The following KLF8 variants were observed in gnomAD, a reference collection of about 807,000 sequenced individuals.
KLF8 encodes the protein Krueppel-like factor 8.
In KLF8, 10 loss-of-function variants were observed where a neutral mutation model predicts 18.2. That is an observed-to-expected ratio of 0.55 (90% CI 0.34 to 0.93). The LOEUF (loss-of-function observed/expected upper bound fraction) is 0.93, where lower values mean the gene tolerates loss of function less well. Ranked by LOEUF, KLF8 falls within the 40% of genes least tolerant of loss-of-function variation. The pLI, the probability that KLF8 is intolerant of heterozygous loss-of-function variation, is 0.02. For synonymous variants in KLF8, 109 were observed against 97.3 expected (o/e 1.12, Z -0.71); for missense variants, 264 against 277.9 (o/e 0.95, Z 0.36).
the KLF8 span, among the ~76,000 whole-genome samples, chrX:56,074,307 AT>A: frequency 2.2e-4 from 24 of 111,196 alleles, no homozygotes; most frequent in Non-Finnish European, 4.3e-4. Flanking sequence ...CCACTTTTAT[AT>A]TTTTTTCCTT....
chrX:56,135,369 C>T, the KLF8 span, among the ~76,000 whole-genome samples: 1 of 111,070 alleles, frequency 9.0e-6, no homozygotes, highest in Non-Finnish European at 1.9e-5. Flanking sequence ...TACTATGCAG[C>T]CATAAAAAAT....
rs1331417475 is a variant in KLF8, at chrX:56,289,193, T to A, written c.*4699T>A. 8.9e-6 allele frequency among the ~76,000 whole-genome samples: 1 copy of A among 112,014 alleles called. No individual in the cohort carries two copies. Among genetic ancestry groups the A allele is most frequent in the Non-Finnish European group, 1.9e-5 (1 of 53,268 alleles). On this transcript the variant is annotated 3_prime_UTR_variant, in exon 6 of 6. Transcript: ENST00000468660. ...CTACTACTTTATTTTATTGCTCGAATTGTTCCAGCTTTGGCCATTGGGAGC... is the reference window on the plus strand; with the variant it reads ...CTACTACTTTATTTTATTGCTCGAAATGTTCCAGCTTTGGCCATTGGGAGC...
the KLF8 span, among the ~76,000 whole-genome samples, chrX:56,180,592 A>G: frequency 3.0e-4 from 33 of 108,557 alleles, no homozygotes; most frequent in Non-Finnish European, 6.1e-4. Context: ...TTCTCTTGTG[A>G]GCTTTTAGTG....
At chrX:56,022,726 C>T in the KLF8 span, among the ~76,000 whole-genome samples, 1 of 109,182 alleles carries the variant, frequency 9.2e-6, no homozygotes, top group African/African-American at 3.4e-5. Context: ...TGGTAACCAC[C>T]GAAGAGGGTA....
At chrX:56,158,572 G>T in the KLF8 span, among the ~76,000 whole-genome samples, 1 of 111,526 alleles carries the variant, frequency 9.0e-6, no homozygotes, top group Non-Finnish European at 1.9e-5. Context: ...TCCTTGAGCA[G>T]TGGTTTGTAG....
the KLF8 span, among the ~76,000 whole-genome samples, chrX:56,121,560 G>A: frequency 9.3e-6 from 1 of 107,769 alleles, no homozygotes; most frequent in South Asian, 4.2e-4. Context: ...CAAAGACAGA[G>A]AAGAATTGTG....
chrX:55,946,830 A>G, the KLF8 span, among the ~76,000 whole-genome samples: 3 of 111,837 alleles, frequency 2.7e-5, no homozygotes, highest in South Asian at 3.7e-4. Flanking sequence ...GGCAAAGGAC[A>G]TGAACAGACA....
At chrX:56,196,262 C>T in the KLF8 span, among the ~76,000 whole-genome samples, 4 of 111,013 alleles carry the variant, frequency 3.6e-5, no homozygotes, top group Non-Finnish European at 7.6e-5. Context: ...GGGCTAAATG[C>T]CCCAATTAAA....
intron 2 of KLF8, among the ~76,000 whole-genome samples, chrX:56,254,909 A>G (rs747005772): frequency 1.8e-5 from 2 of 111,638 alleles, no homozygotes; most frequent in African/African-American, 6.5e-5. Flanking sequence ...AAACGGAAAT[A>G]TAAGTTCTCA....
At chrX:56,073,697 G>A in the KLF8 span, among the ~76,000 whole-genome samples, 1 of 108,635 alleles carries the variant, frequency 9.2e-6, no homozygotes, top group Non-Finnish European at 1.9e-5. Context: ...TGAGTGTGAA[G>A]TAGTATCTCA....
intron 1 of KLF8, among the ~76,000 whole-genome samples, chrX:56,238,433 C>T (rs2066504842): frequency 8.9e-6 from 1 of 111,838 alleles, no homozygotes; most frequent in South Asian, 3.8e-4. Context: ...CGAGATCACA[C>T]CATTGCACTC....
At chrX:55,930,546 G>A in the KLF8 span, among the ~76,000 whole-genome samples, 4 of 111,915 alleles carry the variant, frequency 3.6e-5, no homozygotes, top group African/African-American at 9.7e-5. Flanking sequence ...GTATTATTTT[G>A]AGATACGTTC....
chrX:56,252,619 C>T (rs1031565686), intron 2 of KLF8, among the ~76,000 whole-genome samples: 4 of 112,141 alleles, frequency 3.6e-5, no homozygotes, highest in Admixed American at 1.9e-4. Context: ...ATCCATTCAT[C>T]TGTTGATGAA....
chrX:56,099,418 G>A, the KLF8 span, among the ~76,000 whole-genome samples: 1 of 110,843 alleles, frequency 9.0e-6, no homozygotes, highest in Non-Finnish European at 1.9e-5. Flanking sequence ...TATTAACTTA[G>A]GTAAATTAGT....
At chrX:56,160,148 C>A in the KLF8 span, among the ~76,000 whole-genome samples, 5 of 111,624 alleles carry the variant, frequency 4.5e-5, no homozygotes, top group African/African-American at 1.6e-4. Context: ...CGTTATGAAC[C>A]CTGTAGTCAT....
the KLF8 span, among the ~76,000 whole-genome samples, chrX:56,029,306 A>G: frequency 1.8e-5 from 2 of 111,566 alleles, no homozygotes; most frequent in East Asian, 5.6e-4. Context: ...TGTTTTGTAA[A>G]GGAAATGGTG....
At chrX:56,004,200 A>G in the KLF8 span, among the ~76,000 whole-genome samples, 1 of 112,463 alleles carries the variant, frequency 8.9e-6, no homozygotes, top group African/African-American at 3.2e-5. Context: ...TTTACCACAT[A>G]GTTTTTGTGA....
the KLF8 span, among the ~76,000 whole-genome samples, chrX:56,083,040 TTAAG>T: frequency 8.9e-6 from 1 of 111,890 alleles, no homozygotes; most frequent in African/African-American, 3.2e-5. Context: ...ATCTAGTTAA[TTAAG>T]TTTCTTGGAT....
chrX:56,261,795 G>A (rs2066886153), intron 2 of KLF8, among the ~76,000 whole-genome samples: 1 of 111,279 alleles, frequency 9.0e-6, no homozygotes, highest in Non-Finnish European at 1.9e-5. Flanking sequence ...ATTGAAAAAA[G>A]AATCCTCAGT....
Sources: gnomAD v4.1 joint callset for allele counts (sites outside exome capture counted in the v4.1 genomes callset) on GRCh38, gnomAD v4.1.1 for gene constraint, MANE v1.5 for transcripts, NCBI Gene and HGNC (gene_info 2026-07-23, HGNC 2026-07-21) for gene names.